The following INPP4B variants were observed in gnomAD, a reference collection of about 807,000 sequenced individuals.
INPP4B encodes inositol polyphosphate 4-phosphatase type II.
A neutral mutation model predicts 122.5 loss-of-function variants in INPP4B; 55 were observed. That is an observed-to-expected ratio of 0.45 (90% CI 0.36 to 0.56). The LOEUF (loss-of-function observed/expected upper bound fraction) is 0.56, where lower values mean the gene tolerates loss of function less well. INPP4B is among the 20% of genes least tolerant of loss of function. The pLI, the probability that INPP4B is intolerant of heterozygous loss-of-function variation, is 0.00. For synonymous variants in INPP4B, 403 were observed against 388.7 expected, an observed-to-expected ratio of 1.04 and a Z score of -0.43; for missense variants, 1,000 against 1,097.7, an observed-to-expected ratio of 0.91 and a Z score of 1.26.
intron 2 of INPP4B, among the ~76,000 whole-genome samples, chr4:142,465,424 A>G (rs1466740202): frequency 6.6e-6 from 1 of 152,212 alleles, no homozygotes; most frequent in Non-Finnish European, 1.5e-5. Context: ...ACCAAATAGG[A>G]TATTTTCTTT....
intron 7 of INPP4B, among the ~76,000 whole-genome samples, chr4:142,316,089 G>T (rs1320302206): frequency 6.6e-6 from 1 of 152,056 alleles, no homozygotes; most frequent in Non-Finnish European, 1.5e-5. Context: ...TGAACTTCTA[G>T]CTTAATGCTT....
intron 2 of INPP4B, chr4:142,654,712 A>G (rs1753803680): frequency 1.3e-5 from 2 of 148,776 alleles, no homozygotes; most frequent in Non-Finnish European, 1.5e-5. Flanking sequence ...GGAGACAACA[A>G]AGTCAGACCA....
intron 1 of INPP4B, among the ~76,000 whole-genome samples, chr4:142,736,146 T>C (rs1766851841): frequency 6.6e-6 from 1 of 152,006 alleles, no homozygotes; most frequent in Admixed American, 6.6e-5. Context: ...AATTCCAAGC[T>C]CCACCCCAGA....
chr4:142,084,275 C>T (rs1561060852), intron 24 of INPP4B, among the ~76,000 whole-genome samples: 1 of 152,078 alleles, frequency 6.6e-6, no homozygotes, highest in Non-Finnish European at 1.5e-5. Context: ...AGGCATGTGC[C>T]ACCATGCCCG....
chr4:142,579,969 A>G (rs1368095568), intron 2 of INPP4B, among the ~76,000 whole-genome samples: 1 of 151,676 alleles, frequency 6.6e-6, no homozygotes, highest in Non-Finnish European at 1.5e-5. Flanking sequence ...GGGAAACTCT[A>G]ATACATAGAA....
In INPP4B at chr4:142,603,906, AC is replaced by A. The variant is rs1307482185; in HGVS notation, c.-191+121932del. Among the ~76,000 whole-genome samples the A allele has an allele frequency of 1.4e-3, 20 of 14,374 alleles. No individual in the cohort carries two copies. The South Asian group carries it at 0.027, about 19-fold the overall frequency. The allele number at this position is 14,374 out of a possible 152,430, so 9.4% of individuals were successfully genotyped here. ...CCTAATACCAAAACCAGACAAGAAC[AC>A]ACACACACACACACACACACACAAA... On this transcript the variant is annotated intron_variant, in intron 2 of 25. Coordinates refer to ENST00000262992, the MANE Select transcript of INPP4B (RefSeq NM_001101669.3).
intron 3 of INPP4B, among the ~76,000 whole-genome samples, chr4:142,457,688 C>T (rs927320082): frequency 5.9e-5 from 9 of 152,172 alleles, no homozygotes; most frequent in Non-Finnish European, 1.3e-4. Flanking sequence ...ATGTATGGAT[C>T]TCTCATACAC....
At chr4:142,505,204 A>G (rs1262134781) in intron 2 of INPP4B, among the ~76,000 whole-genome samples, 1 of 151,576 alleles carries the variant, frequency 6.6e-6, no homozygotes, top group Non-Finnish European at 1.5e-5. Context: ...GTGTCACTGA[A>G]CTCCAGCCTG....
chr4:142,568,640 C>G (rs187025641), intron 2 of INPP4B, among the ~76,000 whole-genome samples: 77 of 152,168 alleles, frequency 5.1e-4, no homozygotes, highest in African/African-American at 1.8e-3. Flanking sequence ...AATAAGGTCT[C>G]TTTGCCATCA....
intron 2 of INPP4B, among the ~76,000 whole-genome samples, chr4:142,546,556 A>G (rs572012719): frequency 3.6e-4 from 55 of 152,298 alleles, no homozygotes; most frequent in South Asian, 2.7e-3. Flanking sequence ...TTGTCTTGAT[A>G]TGCCACTAAT....
intron 2 of INPP4B, among the ~76,000 whole-genome samples, chr4:142,649,840 C>T (rs1292237971): frequency 1.3e-5 from 2 of 152,206 alleles, no homozygotes; most frequent in Non-Finnish European, 2.9e-5. Context: ...AGCAGGCCAA[C>T]ATTCAAATTC....
chr4:142,061,172 T>C (rs1053784537), intron 25 of INPP4B, among the ~76,000 whole-genome samples: 3 of 152,172 alleles, frequency 2.0e-5, no homozygotes, highest in Admixed American at 1.3e-4. Context: ...AACAAGAAGA[T>C]AAGTTTTATA....
intron 2 of INPP4B, among the ~76,000 whole-genome samples, chr4:142,556,211 G>C (rs1318845994): frequency 6.6e-6 from 1 of 152,146 alleles, no homozygotes; most frequent in African/African-American, 2.4e-5. Flanking sequence ...TCCTGAGCAT[G>C]AGTCACATGA....
intron 1 of INPP4B, among the ~76,000 whole-genome samples, chr4:142,759,249 A>T (rs1233345017): frequency 1.3e-5 from 2 of 152,160 alleles, no homozygotes; most frequent in Non-Finnish European, 2.9e-5. Context: ...TCTACAAAAT[A>T]AACACTAAAC....
chr4:142,476,957 G>T lies in INPP4B; in HGVS notation c.-190-14231C>A, dbSNP rs1386734970. On this transcript the variant is annotated intron_variant, in intron 2 of 25. Coordinates refer to ENST00000262992, the MANE Select transcript of INPP4B (RefSeq NM_001101669.3). The stretch of plus-strand genomic sequence containing the variant: ...CCTGAACTTGACATTTGACCAAATG[G>T]GGCTAATACCATCTAGAATACTCTC... 2.6e-5 allele frequency among the ~76,000 whole-genome samples: 4 copies of T among 152,148 alleles called. No homozygotes were observed. In the East Asian group the frequency reaches 7.8e-4, roughly 29 times the overall value.
At chr4:142,161,081 A>G (rs962436527) in intron 16 of INPP4B, among the ~76,000 whole-genome samples, 2 of 152,140 alleles carry the variant, frequency 1.3e-5, no homozygotes, top group East Asian at 1.9e-4. Flanking sequence ...ACAGATCTCA[A>G]CAATAGTAGA....
chr4:142,190,376 G>T (rs576146706), intron 15 of INPP4B, among the ~76,000 whole-genome samples: 11 of 152,042 alleles, frequency 7.2e-5, no homozygotes, highest in Admixed American at 5.9e-4. Context: ...GTTGACTGAC[G>T]TGCAATATTT....
At chr4:142,644,516 G>C (rs1252653882) in intron 2 of INPP4B, among the ~76,000 whole-genome samples, 1 of 151,776 alleles carries the variant, frequency 6.6e-6, no homozygotes, top group Non-Finnish European at 1.5e-5. Flanking sequence ...TGATTAAAAT[G>C]GTATTATTGT....
At chr4:142,796,053 C>T (rs972552424) in intron 1 of INPP4B, among the ~76,000 whole-genome samples, 1 of 151,874 alleles carries the variant, frequency 6.6e-6, no homozygotes, top group Non-Finnish European at 1.5e-5. Flanking sequence ...AATAAAACCC[C>T]TTATTGTTGA....
Sources: gnomAD v4.1 joint callset for allele counts (sites outside exome capture counted in the v4.1 genomes callset) on GRCh38, gnomAD v4.1.1 for gene constraint, MANE v1.5 for transcripts, NCBI Gene and HGNC (gene_info 2026-07-23, HGNC 2026-07-21) for gene names.